Variants in SRGAP2B observed in about 807,000 individuals in gnomAD.
SRGAP2B encodes the protein SLIT-ROBO Rho GTPase-activating protein 2B.
A neutral mutation model predicts 22.2 loss-of-function variants in SRGAP2B; 9 were observed. That is an observed-to-expected ratio of 0.41 (90% CI 0.24 to 0.71). SRGAP2B has a LOEUF of 0.71. Ranked by LOEUF, SRGAP2B falls within the 30% of genes least tolerant of loss-of-function variation. SRGAP2B has a pLI of 0.35. For synonymous variants in SRGAP2B, 36 were observed against 87.4 expected (o/e 0.41, Z 3.28); for missense variants, 114 against 235.8 (o/e 0.48, Z 3.38).
intron 2 of SRGAP2B, among the ~76,000 whole-genome samples, chr1:145,068,901 GTGTGTGTGTGTGTGTGT>G (rs1651810335): frequency 2.3e-5 from 1 of 43,210 alleles, no homozygotes. Flanking sequence ...AAATGTGTGT[GTGTGTGTGTGTGTGTGT>G]GTGTGTGTGT....
intron 2 of SRGAP2B, among the ~76,000 whole-genome samples, chr1:145,010,691 C>T (rs1217063697): frequency 6.6e-6 from 1 of 150,634 alleles, no homozygotes; most frequent in Admixed American, 6.6e-5. Flanking sequence ...TTATTTCACC[C>T]TCACCAGCCA....
At chr1:144,996,254 G>A (rs1670669527) in intron 2 of SRGAP2B, among the ~76,000 whole-genome samples, 1 of 149,724 alleles carries the variant, frequency 6.7e-6, no homozygotes. Flanking sequence ...CTGAAGTTAT[G>A]TCCCAATCCC....
chr1:145,009,268 G>A lies in SRGAP2B; in HGVS notation c.68-14068C>T, dbSNP rs1671855201. 1.3e-5 allele frequency among the ~76,000 whole-genome samples: 2 copies of A among 149,690 alleles called. 1 individual carries two copies. Among genetic ancestry groups the A allele is most frequent in the African/African-American group, 5.0e-5 (2 of 39,746 alleles). ...TATTGTTTCAAAGTAATGGAGGAGA[G>A]TGGGAATGGGTGAGGGATACAGATA... is the stretch of plus-strand genomic sequence containing the variant. On this transcript the variant is annotated intron_variant, in intron 2 of 9. Transcript: ENST00000612199.
At chr1:144,994,979 T>C (rs1361526028) in intron 3 of SRGAP2B, 29 bp downstream of exon 3, 10 of 1,432,304 alleles carry the variant, frequency 7.0e-6, no homozygotes, top group Non-Finnish European at 9.2e-6. Flanking sequence ...TTCCAAGGTC[T>C]CAGAGAGTAA....
At chr1:145,002,644 G>C (rs1254199451) in intron 2 of SRGAP2B, among the ~76,000 whole-genome samples, 52 of 150,786 alleles carry the variant, frequency 3.4e-4, no homozygotes, top group Middle Eastern at 3.4e-3. Context: ...CAAAGGGGCT[G>C]TAATGGATAA....
At chr1:144,940,599 G>C (rs1553607206) in intron 4 of SRGAP2B, among the ~76,000 whole-genome samples, 2 of 140,174 alleles carry the variant, frequency 1.4e-5, no homozygotes, top group East Asian at 2.1e-4. Flanking sequence ...AGGAGTTCAA[G>C]ACCAGTCTGG....
chr1:144,912,066 T>C (rs1468829356), intron 5 of SRGAP2B, among the ~76,000 whole-genome samples: 1 of 147,216 alleles, frequency 6.8e-6, no homozygotes, highest in Admixed American at 6.8e-5. Context: ...TTCTCCTGCC[T>C]CAGCCTCCCC....
intron 4 of SRGAP2B, among the ~76,000 whole-genome samples, chr1:144,940,804 A>C (rs1665977756): frequency 6.9e-6 from 1 of 144,796 alleles, no homozygotes; most frequent in Non-Finnish European, 1.5e-5. Context: ...ATCTCCAAAA[A>C]AAAAAAAAAA....
At chr1:144,969,753 A>G (rs1668358648) in intron 3 of SRGAP2B, among the ~76,000 whole-genome samples, 1 of 150,898 alleles carries the variant, frequency 6.6e-6, no homozygotes, top group South Asian at 2.1e-4. Context: ...CATCTGACAA[A>G]GGGCTAATAT....
At chr1:145,009,469 T>TGGCGGG in intron 2 of SRGAP2B, among the ~76,000 whole-genome samples, 1 of 145,966 alleles carries the variant, frequency 6.9e-6, no homozygotes, top group South Asian at 2.1e-4. Context: ...GCGCCTGTAG[T>TGGCGGG]CCCAGCTACT....
intron 7 of SRGAP2B, among the ~76,000 whole-genome samples, chr1:144,901,034 GA>G (rs1312166843): frequency 2.7e-5 from 4 of 147,514 alleles, no homozygotes; most frequent in Admixed American, 6.8e-5. Context: ...GAGAGAGCCA[GA>G]AGAGTATGGG....
intron 4 of SRGAP2B, among the ~76,000 whole-genome samples, chr1:144,921,413 C>T (rs1171402071): frequency 6.9e-6 from 1 of 144,784 alleles, no homozygotes; most frequent in Admixed American, 6.9e-5. Flanking sequence ...ATTAGTGACT[C>T]CCAAAGCAGT....
rs1452391372 is a variant in SRGAP2B at position 144,932,450 on chromosome 1, G to T, written c.424-17696C>A. ...GTTCCGCATTCCTCCTGGCATTAGG[G>T]CTTTGCAGCCAAATATGTAGACTTG... On this transcript the variant is annotated intron_variant, in intron 4 of 9. Transcript: ENST00000612199. 9.3e-5 allele frequency among the ~76,000 whole-genome samples: 14 copies of T among 151,108 alleles called. 1 individual carries two copies. The highest frequency in any genetic ancestry group is 3.2e-4 in the African/African-American group (13 of 40,498).
chr1:144,993,521 C>T (rs1270429673), intron 3 of SRGAP2B, among the ~76,000 whole-genome samples: 2 of 150,296 alleles, frequency 1.3e-5, no homozygotes, highest in East Asian at 1.9e-4. Flanking sequence ...GGCAACATAG[C>T]GAAACCCTGT....
chr1:144,996,234 G>A (rs2102163914), intron 2 of SRGAP2B, among the ~76,000 whole-genome samples: 1 of 150,606 alleles, frequency 6.6e-6, no homozygotes, highest in South Asian at 2.1e-4. Flanking sequence ...GGCTTGCAGT[G>A]TGTATCCTGC....
In SRGAP2B at chr1:144,906,079, A is replaced by G; in HGVS notation, c.487-5T>C. Reference sequence around the variant, plus strand: ...CATGTGATATGTCTTCATGACCTGCAAGACATCGCCCACCCCCACCCCCAG... The same window carrying G: ...CATGTGATATGTCTTCATGACCTGCGAGACATCGCCCACCCCCACCCCCAG... On this transcript the variant is annotated splice_polypyrimidine_tract_variant and splice_region_variant and intron_variant, in intron 5 of 9. Coordinates refer to ENST00000612199, the Ensembl canonical transcript of SRGAP2B. 5.6e-6 allele frequency: 4 copies of G among 709,986 alleles called. No homozygotes were observed. In the South Asian group the frequency reaches 6.0e-5, roughly 11 times the overall value. 44.0% of individuals were successfully genotyped at this position (709,986 alleles called of 1,614,324 possible). A position where few individuals can be genotyped will look rare whatever the true frequency, so the allele number is the denominator to read the frequency against.
At chr1:145,030,970 A>T in intron 2 of SRGAP2B, among the ~76,000 whole-genome samples, 1 of 28,738 alleles carries the variant, frequency 3.5e-5, no homozygotes, top group Non-Finnish European at 6.0e-5. Flanking sequence ...TTTTCTATTC[A>T]CTCTGCATAA....
intron 3 of SRGAP2B, 78 bp downstream of exon 3, chr1:144,994,930 A>C: frequency 4.3e-6 from 3 of 690,314 alleles, no homozygotes; most frequent in Non-Finnish European, 6.7e-6. Flanking sequence ...AGCTGGATCT[A>C]AGTGGCATAC....
chr1:145,021,822 A>C (rs1455052710), intron 2 of SRGAP2B, among the ~76,000 whole-genome samples: 1 of 144,956 alleles, frequency 6.9e-6, no homozygotes, highest in Non-Finnish European at 1.5e-5. Flanking sequence ...CTCAAAAAAA[A>C]AAAAAAAAAA....
Sources: allele counts gnomAD v4.1 joint callset (sites outside exome capture counted in the v4.1 genomes callset), GRCh38; gene constraint gnomAD v4.1.1; transcripts MANE v1.5; gene names NCBI Gene and HGNC (gene_info 2026-07-23, HGNC 2026-07-21).